The following YKT6 variants were observed in gnomAD, a reference collection of about 807,000 sequenced individuals.
YKT6 encodes synaptobrevin homolog YKT6.
In YKT6, 12 loss-of-function variants were observed where a neutral mutation model predicts 29.3. The ratio of observed to expected loss-of-function variants is 0.41; its 90% CI spans 0.26 to 0.66. The LOEUF is 0.66. Among genes scored for constraint, YKT6 ranks in the 30% least tolerant of loss-of-function variants. YKT6 has a pLI of 0.32. For missense variants in YKT6, 188 were observed against 243.8 expected (o/e 0.77, Z 1.52); for synonymous variants, 86 against 94.3 (o/e 0.91, Z 0.51).
rs1296715393 is a variant in YKT6 at position 44,211,130 on chromosome 7, T to A, written c.561+6T>A. On this transcript the variant is annotated splice_donor_region_variant and intron_variant, in intron 6 of 6. Coordinates refer to ENST00000223369, the MANE Select transcript of YKT6 (RefSeq NM_006555.4). ...CTAAAGCCTTCTATAAAACTGTGAG[T>A]ACCCAGCACCTGCTGCCTCCTGGGT... 6.2e-7 allele frequency: 1 copy of A among 1,613,078 alleles called. No homozygotes were observed. Among genetic ancestry groups the A allele is most frequent in the Non-Finnish European group, 8.5e-7 (1 of 1,179,482 alleles).
At chr7:44,212,162 A>C in intron 6 of YKT6, 85 bp from the exon 7 acceptor site, 1 of 1,544,072 alleles carries the variant, frequency 6.5e-7, no homozygotes, top group Non-Finnish European at 8.9e-7. Context: ...TGTCCTGTGG[A>C]GCTCCCTCTG....
intron 2 of YKT6, among the ~76,000 whole-genome samples, chr7:44,205,032 A>G (rs945949901): frequency 1.3e-4 from 20 of 152,206 alleles, no homozygotes; most frequent in African/African-American, 4.6e-4. Flanking sequence ...AATCTGAAAA[A>G]ACTATTTTTT....
At chr7:44,206,303 T>G in intron 2 of YKT6, 82 bp from the exon 3 acceptor site, 2 of 1,430,468 alleles carry the variant, frequency 1.4e-6, no homozygotes, top group Non-Finnish European at 2.0e-6. Flanking sequence ...GGCCTAACAT[T>G]GGATGCTTTG....
intron 2 of YKT6, among the ~76,000 whole-genome samples, chr7:44,205,596 T>A (rs962981636): frequency 6.6e-6 from 1 of 152,258 alleles, no homozygotes; most frequent in Non-Finnish European, 1.5e-5. Context: ...TGGAATCTTC[T>A]GGGTCAGATC....
intron 2 of YKT6, 84 bp downstream of exon 2, chr7:44,204,734 A>G: frequency 2.3e-6 from 3 of 1,310,634 alleles, no homozygotes; most frequent in Non-Finnish European, 3.3e-6. Flanking sequence ...TCTCCTTTCT[A>G]CTGGGACCCT....
intron 5 of YKT6, chr7:44,210,682 A>ACACACACACACGTGCGTG: frequency 2.9e-5 from 1 of 34,272 alleles, no homozygotes; most frequent in Middle Eastern, 6.2e-3. Context: ...ATGTGCGTGC[A>ACACACACACACGTGCGTG]CACACACACA....
intron 1 of YKT6, among the ~76,000 whole-genome samples, chr7:44,202,076 A>G (rs944847552): frequency 1.3e-5 from 2 of 152,124 alleles, no homozygotes; most frequent in Non-Finnish European, 2.9e-5. Flanking sequence ...GGCACGAAAG[A>G]AGGAGGACCC....
intron 4 of YKT6, 134 bp downstream of exon 4, chr7:44,207,626 T>C (rs1223775257): frequency 1.5e-5 from 11 of 740,844 alleles, no homozygotes; most frequent in Non-Finnish European, 2.4e-5. Context: ...TCTCAAGCCT[T>C]ACTGTTTGGA....
rs1473695508 is a variant in YKT6 at position 44,207,420 on chromosome 7, G to C, written c.321G>C (p.Arg107Ser). The C allele has an allele frequency of 6.2e-7, 1 of 1,613,970 alleles. No homozygotes were observed. The highest frequency in any genetic ancestry group is 8.5e-7 in the Non-Finnish European group (1 of 1,179,984). ...ATGAATTCTCCAAGCAAGTCGACAG[G>C]ATAGACTGGCCAGTAGGATCCCCTG... The part of the protein sequence containing the change: ...VLDEFSKQVD[R>S]IDWPVGSPAT... The change falls in exon 4 of 7, where the codon AGG becomes AGC. Residue 107 changes from arginine to serine, a missense_variant. This residue lies in a region of YKT6 where 100 missense variants were observed against 136.3 expected (regional missense o/e 0.73). Transcript: ENST00000223369.
chr7:44,202,590 A>G (rs1368839011), intron 1 of YKT6, among the ~76,000 whole-genome samples: 2 of 152,198 alleles, frequency 1.3e-5, no homozygotes, highest in Non-Finnish European at 2.9e-5. Flanking sequence ...CTTGTTGCAT[A>G]TATCAGAATT....
At position 44,204,687 on chromosome 7, in the gene YKT6, C is replaced by T. The variant is rs767647389; in HGVS notation, c.187+37C>T. The T allele has an allele frequency of 5.6e-6, 9 of 1,605,752 alleles. No homozygotes were observed. The East Asian group carries it at 2.0e-4, about 36-fold the overall frequency. On this transcript the variant is annotated intron_variant, in intron 2 of 6. Coordinates refer to ENST00000223369, the MANE Select transcript of YKT6 (RefSeq NM_006555.4). Reference sequence around the variant, plus strand: ...CTCCAACTTCTGTGCGTGTGCTGGCCTGGCTGCCATGCCTCACCTCACATA... The same window carrying T: ...CTCCAACTTCTGTGCGTGTGCTGGCTTGGCTGCCATGCCTCACCTCACATA...
At chr7:44,211,394 A>G (rs909969511) in intron 6 of YKT6, among the ~76,000 whole-genome samples, 3 of 151,770 alleles carry the variant, frequency 2.0e-5, no homozygotes, top group African/African-American at 4.8e-5. Flanking sequence ...TGATTTCTGA[A>G]CTCCTACTCC....
chr7:44,201,047 C>CGGCGGCGGTCCCGAGG lies in YKT6; in HGVS notation c.-80_-65dup. On this transcript the variant is annotated 5_prime_UTR_variant, in exon 1 of 7. Coordinates refer to ENST00000223369, the MANE Select transcript of YKT6 (RefSeq NM_006555.4). Reference sequence around the variant, plus strand: ...AGCCGGCTGCTGAGAGGCCGGTAGGCGGCGGCGGTCCCGAGGGGCGGCGGC... The same window carrying CGGCGGCGGTCCCGAGG: ...AGCCGGCTGCTGAGAGGCCGGTAGGCGGCGGCGGTCCCGAGGGGCGGCGGTCCCGAGGGGCGGCGGC... The CGGCGGCGGTCCCGAGG allele has an allele frequency of 8.9e-7, 1 of 1,128,552 alleles. No homozygotes were observed. Among genetic ancestry groups the CGGCGGCGGTCCCGAGG allele is most frequent in the Non-Finnish European group, 1.2e-6 (1 of 823,294 alleles). The allele number at this position is 1,128,552 out of a possible 1,614,324, so 69.9% of individuals were successfully genotyped here.
intron 5 of YKT6, among the ~76,000 whole-genome samples, chr7:44,209,157 C>G (rs2096344090): frequency 6.6e-6 from 1 of 152,184 alleles, no homozygotes; most frequent in Non-Finnish European, 1.5e-5. Context: ...TTGATAGATA[C>G]CTGGAGTGGA....
At chr7:44,210,831 A>G in intron 5 of YKT6, 192 bp from the exon 6 acceptor site, 1 of 655,092 alleles carries the variant, frequency 1.5e-6, no homozygotes, top group Non-Finnish European at 2.8e-6. Flanking sequence ...ATTTCACGGG[A>G]ATGTCACCAG....
rs1463683723 is a variant in YKT6, at chr7:44,212,230, C to T, written c.562-17C>T. On this transcript the variant is annotated splice_polypyrimidine_tract_variant and intron_variant, in intron 6 of 6. Coordinates refer to ENST00000223369, the MANE Select transcript of YKT6 (RefSeq NM_006555.4). ...TCGTCAGTCCTCCTTCTCAGCTCCT[C>T]TTTGTTTTTTTCCAAGGCCCGGAAA... is the stretch of plus-strand genomic sequence containing the variant. 1.2e-5 allele frequency: 19 copies of T among 1,613,970 alleles called. No individual in the cohort carries two copies. The Admixed American group carries it at 1.3e-4, about 11-fold the overall frequency.
chr7:44,201,249 A>G lies in YKT6; in HGVS notation c.104+10A>G. On this transcript the variant is annotated intron_variant, in intron 1 of 6. Transcript: ENST00000223369. ...TTTTCCAGAGATCCAGGTGAGCGGC[A>G]CAGGCTGGTGGGCCGTGGCGGTCGG... 1 of 1,609,616 alleles carries G rather than the reference A, an allele frequency of 6.2e-7. No homozygotes were observed. The highest frequency in any genetic ancestry group is 1.7e-4 in the Middle Eastern group (1 of 6,046).
intron 2 of YKT6, among the ~76,000 whole-genome samples, chr7:44,206,052 G>A (rs190972772): frequency 4.7e-4 from 71 of 152,322 alleles, no homozygotes; most frequent in African/African-American, 1.7e-3. Context: ...GATATAGCTT[G>A]GCCTGACCCG....
chr7:44,210,207 C>T (rs2096345160), intron 5 of YKT6, among the ~76,000 whole-genome samples: 2 of 152,176 alleles, frequency 1.3e-5, no homozygotes, highest in Non-Finnish European at 2.9e-5. Flanking sequence ...CCATTTCCCA[C>T]CGCCTTTTGT....
Sources: allele counts gnomAD v4.1 joint callset (sites outside exome capture counted in the v4.1 genomes callset), GRCh38; gene constraint gnomAD v4.1.1; regional missense constraint gnomAD v4.1.1; transcripts MANE v1.5; gene names NCBI Gene and HGNC (gene_info 2026-07-23, HGNC 2026-07-21).